Variants in GGCX observed in about 807,000 individuals in gnomAD.
GGCX encodes vitamin K-dependent gamma-carboxylase.
Under a neutral mutation model 88.5 loss-of-function variants are expected in GGCX, and 63 were observed. That is an observed-to-expected ratio of 0.71 (90% CI 0.58 to 0.88). GGCX has a LOEUF of 0.88. GGCX is among the 40% of genes least tolerant of loss of function. The probability of loss-of-function intolerance (pLI) is 0.00; values close to 1 mark genes in which losing one functional copy is unlikely to be tolerated. For missense variants in GGCX, 805 were observed against 932.9 expected (o/e 0.86, Z 1.79); for synonymous variants, 368 against 365.8 (o/e 1.01, Z -0.07).
At chr2:85,552,676 G>GA (rs943035923) in intron 9 of GGCX, 109 bp from the exon 10 acceptor site, 7 of 1,166,578 alleles carry the variant, frequency 6.0e-6, no homozygotes, top group African/African-American at 4.5e-5. Context: ...ATTCTGGCTA[G>GA]AAAAAAATGG....
chr2:85,555,820 T>A (rs1247015729), intron 5 of GGCX, among the ~76,000 whole-genome samples: 1 of 152,140 alleles, frequency 6.6e-6, no homozygotes, highest in African/African-American at 2.4e-5. Flanking sequence ...ATAGACCCCA[T>A]CTTCTATTCA....
At chr2:85,557,612 G>C (rs1218707093) in intron 4 of GGCX, among the ~76,000 whole-genome samples, 1 of 152,142 alleles carries the variant, frequency 6.6e-6, no homozygotes, top group African/African-American at 2.4e-5. Context: ...TTGTATGTGT[G>C]TATTAACAAA....
rs894143000 is a variant in GGCX at position 85,558,620 on chromosome 2, G to A, written c.374-15C>T. The A allele has an allele frequency of 6.2e-7, 1 of 1,608,438 alleles. No homozygotes were observed. The highest frequency in any genetic ancestry group is 1.7e-5 in the Admixed American group (1 of 60,012). On this transcript the variant is annotated splice_polypyrimidine_tract_variant and intron_variant, in intron 3 of 14. Coordinates refer to ENST00000233838, the MANE Select transcript of GGCX (RefSeq NM_000821.7). ...GCCCAGTGCCCCTGGGATTTGTAGG[G>A]AGAGGATTAAGAGGTCAAGAGATCA...
chr2:85,556,313 C>T (rs1450858060), intron 4 of GGCX, 53 bp from the exon 5 acceptor site: 5 of 1,056,642 alleles, frequency 4.7e-6, no homozygotes, highest in African/African-American at 1.6e-5. Flanking sequence ...GCAGCTACAT[C>T]TCCATCCTTC....
chr2:85,554,460 G>GT, intron 6 of GGCX, 154 bp from the exon 7 acceptor site: 1 of 651,968 alleles, frequency 1.5e-6, no homozygotes, highest in South Asian at 1.7e-5. Context: ...GTTGTTTGTT[G>GT]TTGTTGTTGT....
At chr2:85,560,328 T>C (rs1336719912) in intron 2 of GGCX, among the ~76,000 whole-genome samples, 1 of 152,166 alleles carries the variant, frequency 6.6e-6, no homozygotes, top group African/African-American at 2.4e-5. Context: ...GGCTCACACC[T>C]GTAATCCCAG....
chr2:85,555,056 C>A, intron 6 of GGCX: 1 of 168,702 alleles, frequency 5.9e-6, no homozygotes, highest in Non-Finnish European at 1.3e-5. Flanking sequence ...GAAAGGTGAC[C>A]CTTTGTTTTG....
Position 85,553,330 on chromosome 2 carries a change from C to T in GGCX, c.1057G>A (p.Gly353Ser), listed in dbSNP as rs1262364644. Residue 353 changes from glycine to serine, a missense_variant, in exon 8 of 15, where the codon GGC (glycine) becomes AGC (serine). Gly to Ser is a moderately conservative substitution (Grantham distance 56). Around this residue, in one of 3 missense-constraint regions of GGCX, gnomAD observed 680 missense variants for 763.7 expected, o/e 0.89. Coordinates refer to ENST00000233838, the MANE Select transcript of GGCX (RefSeq NM_000821.7). ...TGATGGCGCAGCCCTGGCTTCTGGCCACTTTTGCCCCGGCTCCTCTTATAC... is the reference window on the plus strand; with the variant it reads ...TGATGGCGCAGCCCTGGCTTCTGGCTACTTTTGCCCCGGCTCCTCTTATAC... ...CVYKRSRGKS[G>S]QKPGLRHQLG... 6.2e-7 allele frequency: 1 copy of T among 1,614,236 alleles called. No individual in the cohort carries two copies. Among genetic ancestry groups the T allele is most frequent in the African/African-American group, 1.3e-5 (1 of 75,060 alleles).
rs753992388 is a variant in GGCX at position 85,552,487 on chromosome 2, G to A, written c.1368C>T (p.Pro456=). 1 of 1,613,632 alleles carries A rather than the reference G, an allele frequency of 6.2e-7. No individual in the cohort carries two copies. Among genetic ancestry groups the A allele is most frequent in the Non-Finnish European group, 8.5e-7 (1 of 1,179,550 alleles). ...TCTGGGGCTCAGTGACATTATACTT[G>A]GGAAGCAGGCGGCTCAGGCAAGTGG... is the stretch of plus-strand genomic sequence containing the variant. ...QYATCLSRLL[P]KYNVTEPQIY... is the part of the protein sequence containing the mutation. The change falls in exon 10 of 15, where the codon CCC becomes CCT. Residue 456 remains proline (P), a synonymous_variant. Transcript: ENST00000233838.
chr2:85,555,366 C>T (rs1692165200), intron 6 of GGCX, 118 bp downstream of exon 6: 1 of 690,750 alleles, frequency 1.4e-6, no homozygotes, highest in East Asian at 2.7e-5. Flanking sequence ...AATGAGTGGA[C>T]AAAGGAAGGC....
In GGCX at chr2:85,545,280, A is replaced by C. The variant is rs1292008040; in HGVS notation, c.*4654T>G. 2.6e-5 allele frequency: 4 copies of C among 152,660 alleles called. No homozygotes were observed. Among genetic ancestry groups the C allele is most frequent in the Non-Finnish European group, 5.9e-5 (4 of 68,044 alleles). The allele number at this position is 152,660 out of a possible 1,614,324, so 9.5% of individuals were successfully genotyped here. On this transcript the variant is annotated 3_prime_UTR_variant, in exon 15 of 15. Transcript: ENST00000233838. ...AAATAAAATGCTAGGTTCTACCTTA[A>C]CTGTGTCTGTTACTCATTTGTTAAA...
chr2:85,550,406 T>G lies in GGCX; in HGVS notation c.2084+149A>C. The G allele has an allele frequency of 4.2e-6, 3 of 708,548 alleles. No individual in the cohort carries two copies. In the South Asian group the frequency reaches 4.7e-5, roughly 11 times the overall value. The allele number at this position is 708,548 out of a possible 1,614,324, so 43.9% of individuals were successfully genotyped here. A position where few individuals can be genotyped will look rare whatever the true frequency, so the allele number is the denominator to read the frequency against. Reference sequence around the variant, plus strand: ...CCATCAGATATAGGCCACTTATTCTTCCAGTAAATCAAGAAGAATGGCAGG... The same window carrying G: ...CCATCAGATATAGGCCACTTATTCTGCCAGTAAATCAAGAAGAATGGCAGG... On this transcript the variant is annotated intron_variant, in intron 14 of 14. Coordinates refer to ENST00000233838, the MANE Select transcript of GGCX (RefSeq NM_000821.7).
Position 85,554,200 on chromosome 2 carries a change from T to C in GGCX, c.832A>G (p.Ile278Val), listed in dbSNP as rs2103969598. The C allele has an allele frequency of 4.3e-6, 7 of 1,613,086 alleles. No homozygotes were observed. The highest frequency in any genetic ancestry group is 5.9e-6 in the Non-Finnish European group (7 of 1,179,082). ...FLLFFDVSRS[I>V]GLFFVSYFHC... is the part of the protein sequence containing the mutation. ...AAGTAGGACACAAAGAACAGGCCAATGGATCTTGAGACATCAAAAAAGAGC... is the reference window on the plus strand; with the variant it reads ...AAGTAGGACACAAAGAACAGGCCAACGGATCTTGAGACATCAAAAAAGAGC... The change falls in exon 7 of 15, where the codon ATT becomes GTT. Residue 278 changes from isoleucine to valine, a missense_variant. Physicochemically the swap from Ile to Val is conservative, Grantham distance 29. Coordinates refer to ENST00000233838, the MANE Select transcript of GGCX (RefSeq NM_000821.7).
chr2:85,559,257 T>A (rs1692334454), intron 2 of GGCX, among the ~76,000 whole-genome samples, 182 bp from the exon 3 acceptor site: 1 of 152,208 alleles, frequency 6.6e-6, no homozygotes, highest in Non-Finnish European at 1.5e-5. Context: ...TGTTGTGCCA[T>A]CTAGAACAGC....
chr2:85,558,460 G>A lies in GGCX; in HGVS notation c.519C>T (p.Phe173=), dbSNP rs752334469. ...LYGLLAFQLT[F]MDANHYWSVD... ...CATACCAGTAGTGGTTTGCATCCATGAATGTTAGCTGAAAGGCCAACAACC... is the reference window on the plus strand; with the variant it reads ...CATACCAGTAGTGGTTTGCATCCATAAATGTTAGCTGAAAGGCCAACAACC... Residue 173 remains phenylalanine, a synonymous_variant, in exon 4 of 15, where the codon TTC becomes TTT. Coordinates refer to ENST00000233838, the MANE Select transcript of GGCX (RefSeq NM_000821.7). 3 of 1,613,846 alleles carry A rather than the reference G, an allele frequency of 1.9e-6. No homozygotes were observed. The highest frequency in any genetic ancestry group is 3.3e-5 in the Admixed American group (2 of 59,976).
At position 85,558,559 on chromosome 2, in the gene GGCX, C is replaced by T. The variant is rs1692302759; in HGVS notation, c.420G>A (p.Val140=). ...MLGLCYRISC[V]LFLLPYWYVF... ...CATACCAGTATGGCAGCAGGAATAA[C>T]ACACAGCTTATCCGGTAGCACAGGC... is the stretch of plus-strand genomic sequence containing the variant. The change falls in exon 4 of 15, where the codon GTG becomes GTA. Residue 140 remains valine, a synonymous_variant. Transcript: ENST00000233838. 6.2e-7 allele frequency: 1 copy of T among 1,613,460 alleles called. No individual in the cohort carries two copies. The highest frequency in any genetic ancestry group is 8.5e-7 in the Non-Finnish European group (1 of 1,179,534).
intron 10 of GGCX, among the ~76,000 whole-genome samples, 175 bp from the exon 11 acceptor site, chr2:85,552,156 C>G (rs1331358913): frequency 6.6e-6 from 1 of 152,166 alleles, no homozygotes; most frequent in Non-Finnish European, 1.5e-5. Context: ...ATCTGGAGCA[C>G]TGGGTATAAT....
In GGCX at chr2:85,553,297, C is replaced by T. The variant is rs756089315; in HGVS notation, c.1090G>A (p.Ala364Thr). ...AGGAGGTAGAGCAGGGTGAAGGCAG[C>T]TCCCAGCTGATGGCGCAGCCCTGGC... Reference protein sequence around the residue: ...QKPGLRHQLGAAFTLLYLLEQ... With the variant: ...QKPGLRHQLGTAFTLLYLLEQ... The change falls in exon 8 of 15, where the codon GCT (alanine) becomes ACT (threonine). Residue 364 changes from alanine (A) to threonine (T), a missense_variant. Physicochemically the swap from Ala to Thr is moderately conservative, Grantham distance 58 (BLOSUM62 0). This residue lies in a region of GGCX where 680 missense variants were observed against 763.7 expected (regional missense o/e 0.89). Coordinates refer to ENST00000233838, the MANE Select transcript of GGCX (RefSeq NM_000821.7). 1.6e-5 allele frequency: 26 copies of T among 1,614,128 alleles called. No individual in the cohort carries two copies. Among genetic ancestry groups the T allele is most frequent in the Non-Finnish European group, 1.9e-5 (23 of 1,180,036 alleles).
chr2:85,561,391 C>T lies in GGCX; in HGVS notation c.38G>A (p.Ser13Asn), dbSNP rs182110354. 7 of 1,569,726 alleles carry T rather than the reference C, an allele frequency of 4.5e-6. No individual in the cohort carries two copies. Among genetic ancestry groups the T allele is most frequent in the African/African-American group, 4.0e-5 (3 of 74,694 alleles). Residue 13 changes from serine (S) to asparagine (N), a missense_variant, in exon 1 of 15, where the codon AGC (serine) becomes AAC (asparagine). Physicochemically the swap from Ser to Asn is conservative, Grantham distance 46 (BLOSUM62 1). Around this residue, in one of 3 missense-constraint regions of GGCX, gnomAD observed 64 missense variants for 57.4 expected, o/e 1.12. Transcript: ENST00000233838. Reference protein sequence around the residue: ...VSAGSARTSPSSDKVQKDKAE... With the variant: ...VSAGSARTSPNSDKVQKDKAE... The stretch of plus-strand genomic sequence containing the variant: ...GGGCGGGGTCCTAAGCCTACCTGAG[C>T]TGGGCGAGGTCCGCGCGGACCCGGC...
Sources: allele counts gnomAD v4.1 joint callset (sites outside exome capture counted in the v4.1 genomes callset), GRCh38; gene constraint gnomAD v4.1.1; regional missense constraint gnomAD v4.1.1; transcripts MANE v1.5; gene names NCBI Gene and HGNC (gene_info 2026-07-23, HGNC 2026-07-21).